Variants in PRKG1 observed in about 807,000 individuals in gnomAD.
The protein encoded by PRKG1 is protein kinase cGMP-dependent 1.
A neutral mutation model predicts 88.1 loss-of-function variants in PRKG1; 35 were observed. The observed-to-expected ratio is 0.40, with a 90% CI of 0.30 to 0.53. The LOEUF (loss-of-function observed/expected upper bound fraction) is 0.53. PRKG1 is among the 20% of genes least tolerant of loss of function. PRKG1 has a pLI of 0.59. For missense variants in PRKG1, 540 were observed against 839.8 expected (o/e 0.64, Z 4.41); for synonymous variants, 303 against 292.5 (o/e 1.04, Z -0.37).
intron 13 of PRKG1, 136 bp downstream of exon 13, chr10:52,281,066 A>T: frequency 3.0e-6 from 3 of 1,001,826 alleles, no homozygotes; most frequent in Non-Finnish European, 4.3e-6. Flanking sequence ...TTTTAGCATT[A>T]CACTTTTCAA....
chr10:51,571,493 A>C (rs895372118), intron 3 of PRKG1, among the ~76,000 whole-genome samples: 1 of 152,036 alleles, frequency 6.6e-6, no homozygotes, highest in South Asian at 2.1e-4. Flanking sequence ...TATTTATGTT[A>C]TATTAAAGAA....
intron 4 of PRKG1, among the ~76,000 whole-genome samples, chr10:51,841,626 T>C (rs750461117): frequency 5.3e-5 from 8 of 151,744 alleles, no homozygotes; most frequent in Non-Finnish European, 1.2e-4. Flanking sequence ...AGAAATGTCA[T>C]GAATTCATGC....
At position 52,294,624 on chromosome 10, in the gene PRKG1, T is replaced by A. The variant is rs1842342165; in HGVS notation, c.*724T>A. The A allele has an allele frequency of 6.6e-6, 1 of 152,592 alleles. No homozygotes were observed. Among genetic ancestry groups the A allele is most frequent in the African/African-American group, 2.4e-5 (1 of 41,454 alleles). The allele number at this position is 152,592 out of a possible 1,614,324, so 9.5% of individuals were successfully genotyped here. A position where few individuals can be genotyped will look rare whatever the true frequency, so the allele number is the denominator to read the frequency against. On this transcript the variant is annotated 3_prime_UTR_variant, in exon 18 of 18. Coordinates refer to ENST00000373980, the MANE Select transcript of PRKG1 (RefSeq NM_006258.4). ...AATAATGCATGATATTTGTTTGTTTTTTTTGATAAATTGGCATGACAGAGT... is the reference window on the plus strand; with the variant it reads ...AATAATGCATGATATTTGTTTGTTTATTTTGATAAATTGGCATGACAGAGT...
chr10:51,138,384 G>A (rs1157738341), intron 1 of PRKG1, among the ~76,000 whole-genome samples: 2 of 152,148 alleles, frequency 1.3e-5, no homozygotes, highest in African/African-American at 2.4e-5. Flanking sequence ...AGGCTTATAT[G>A]ATGCCAAATG....
intron 2 of PRKG1, among the ~76,000 whole-genome samples, chr10:51,234,251 T>C (rs533313180): frequency 6.6e-6 from 1 of 152,268 alleles, no homozygotes; most frequent in East Asian, 1.9e-4. Context: ...CGTCTTTCTG[T>C]GTCAGACAAT....
At chr10:52,093,652 CA>C (rs1188900676) in intron 7 of PRKG1, among the ~76,000 whole-genome samples, 1 of 152,088 alleles carries the variant, frequency 6.6e-6, no homozygotes, top group Non-Finnish European at 1.5e-5. Flanking sequence ...ATAGCTCTTG[CA>C]AAAAATTTTC....
intron 2 of PRKG1, among the ~76,000 whole-genome samples, chr10:51,312,782 T>C (rs1392358802): frequency 1.3e-5 from 2 of 152,040 alleles, no homozygotes; most frequent in African/African-American, 2.4e-5. Flanking sequence ...AAATATACTA[T>C]TTCCAGTCCC....
chr10:51,464,807 C>T (rs931626430), intron 2 of PRKG1, among the ~76,000 whole-genome samples: 1 of 145,650 alleles, frequency 6.9e-6, no homozygotes, highest in South Asian at 2.2e-4. Context: ...AGGAGAATGG[C>T]GTGAACCCGG....
At chr10:51,622,588 A>G (rs928483836) in intron 3 of PRKG1, among the ~76,000 whole-genome samples, 13 of 152,192 alleles carry the variant, frequency 8.5e-5, no homozygotes, top group African/African-American at 2.9e-4. Flanking sequence ...GGTCATGGGA[A>G]TGAGATACTT....
chr10:51,939,903 C>A (rs550641000), intron 5 of PRKG1, among the ~76,000 whole-genome samples: 4 of 152,002 alleles, frequency 2.6e-5, no homozygotes, highest in African/African-American at 4.8e-5. Flanking sequence ...CTATAGGTGA[C>A]TTAGATACTC....
intron 2 of PRKG1, among the ~76,000 whole-genome samples, chr10:51,340,958 G>GA (rs1207518063): frequency 6.6e-6 from 1 of 152,060 alleles, no homozygotes; most frequent in Non-Finnish European, 1.5e-5. Context: ...CTTGTTGATA[G>GA]AAAAAAATCC....
intron 3 of PRKG1, among the ~76,000 whole-genome samples, chr10:51,588,134 C>T (rs1319614217): frequency 6.6e-6 from 1 of 152,186 alleles, no homozygotes; most frequent in East Asian, 1.9e-4. Flanking sequence ...AGAACATGCT[C>T]ATTCATTTAA....
intron 9 of PRKG1, among the ~76,000 whole-genome samples, chr10:52,167,461 A>G (rs10762625): frequency 0.46 from 70,113 of 151,960 alleles, 18,533 homozygotes; most frequent in Admixed American, 0.61. Context: ...CAGCATCTTC[A>G]TATTATAAAC....
At chr10:51,611,103 C>CT (rs1261588258) in intron 3 of PRKG1, among the ~76,000 whole-genome samples, 3 of 151,296 alleles carry the variant, frequency 2.0e-5, no homozygotes, top group African/African-American at 7.3e-5. Context: ...TTATGTGTGC[C>CT]TTTGATATAT....
In PRKG1 at chr10:51,565,447, T is replaced by C. The variant is rs545111602; in HGVS notation, c.592+97611T>C. On this transcript the variant is annotated intron_variant, in intron 3 of 17. Transcript: ENST00000373980. The stretch of plus-strand genomic sequence containing the variant: ...TTTCTGTGAATAAAACAAAAAAATG[T>C]AAAGCATACATCAAACTGTACAGTC... Among the ~76,000 whole-genome samples, 4 of 152,058 alleles carry C rather than the reference T, an allele frequency of 2.6e-5. No individual in the cohort carries two copies. In the South Asian group the frequency reaches 8.3e-4, roughly 32 times the overall value.
At chr10:52,037,911 G>A (rs918977044) in intron 5 of PRKG1, among the ~76,000 whole-genome samples, 2 of 152,090 alleles carry the variant, frequency 1.3e-5, no homozygotes, top group Non-Finnish European at 1.5e-5. Flanking sequence ...GGGGACAGGC[G>A]GGAGGGAAAG....
intron 3 of PRKG1, among the ~76,000 whole-genome samples, chr10:51,706,662 C>T (rs186558430): frequency 1.3e-5 from 2 of 152,222 alleles, no homozygotes; most frequent in African/African-American, 4.8e-5. Context: ...ACTCTCAGCA[C>T]TTAGAAAAGG....
intron 4 of PRKG1, among the ~76,000 whole-genome samples, chr10:51,837,761 A>T (rs1029518429): frequency 1.3e-5 from 2 of 152,168 alleles, no homozygotes; most frequent in African/African-American, 4.8e-5. Context: ...CAAAGACTGT[A>T]TCTTTTGTCT....
Position 51,153,034 on chromosome 10 carries a change from G to T in PRKG1, c.312-130G>T, listed in dbSNP as rs553670489. 8 of 435,100 alleles carry T rather than the reference G, an allele frequency of 1.8e-5. No individual in the cohort carries two copies. In the South Asian group the frequency reaches 2.3e-4, roughly 13 times the overall value. 27.0% of individuals were successfully genotyped at this position (435,100 alleles called of 1,614,324 possible). A position where few individuals can be genotyped will look rare whatever the true frequency, so the allele number is the denominator to read the frequency against. ...ACATACTTTGTTCTCCAGTCTTCCA[G>T]AAAATTATTGGATTCCTAACAAGAA... On this transcript the variant is annotated intron_variant, in intron 1 of 17. Coordinates refer to ENST00000373980, the MANE Select transcript of PRKG1 (RefSeq NM_006258.4).
Sources: allele counts gnomAD v4.1 joint callset (sites outside exome capture counted in the v4.1 genomes callset), GRCh38; gene constraint gnomAD v4.1.1; transcripts MANE v1.5; gene names NCBI Gene and HGNC (gene_info 2026-07-23, HGNC 2026-07-21).